The following ENTPD1 variants were observed in gnomAD, a reference collection of about 807,000 sequenced individuals.
ENTPD1 encodes ATP diphosphohydrolase.
A neutral mutation model predicts 57.0 loss-of-function variants in ENTPD1; 33 were observed. The ratio of observed to expected loss-of-function variants is 0.58; its 90% CI spans 0.44 to 0.77. The LOEUF is 0.77. Among genes scored for constraint, ENTPD1 ranks in the 30% least tolerant of loss-of-function variants. The pLI, the probability that ENTPD1 is intolerant of heterozygous loss-of-function variation, is 0.00. For synonymous variants in ENTPD1, 202 were observed against 218.8 expected (o/e 0.92, Z 0.68); for missense variants, 501 against 603.4 (o/e 0.83, Z 1.78).
chr10:95,779,878 A>G (rs570095088), intron 1 of ENTPD1, among the ~76,000 whole-genome samples: 29 of 152,288 alleles, frequency 1.9e-4, no homozygotes, highest in African/African-American at 6.3e-4. Context: ...CACTTGGTAT[A>G]TATTATTTCA....
intron 1 of ENTPD1, among the ~76,000 whole-genome samples, chr10:95,733,400 C>G (rs186404813): frequency 3.3e-5 from 5 of 152,150 alleles, no homozygotes; most frequent in Admixed American, 2.0e-4. Context: ...GCAGTTAACG[C>G]AATCATGACA....
At chr10:95,717,990 A>G (rs991673829) in intron 1 of ENTPD1, among the ~76,000 whole-genome samples, 7 of 152,168 alleles carry the variant, frequency 4.6e-5, no homozygotes, top group Non-Finnish European at 8.8e-5. Context: ...ATTGAAATGT[A>G]TGGCCTGAAG....
intron 1 of ENTPD1, among the ~76,000 whole-genome samples, chr10:95,720,330 A>G (rs2097976086): frequency 6.6e-6 from 1 of 152,124 alleles, no homozygotes; most frequent in Admixed American, 6.5e-5. Context: ...TCCTGTGTTC[A>G]GGTGTATAAT....
intron 2 of ENTPD1, among the ~76,000 whole-genome samples, chr10:95,836,261 T>C (rs2140745473): frequency 6.6e-6 from 1 of 152,326 alleles, no homozygotes; most frequent in East Asian, 1.9e-4. Context: ...GTGATGCCTC[T>C]GGCTTTATCC....
chr10:95,741,476 T>C (rs1434903458), intron 1 of ENTPD1, among the ~76,000 whole-genome samples: 3 of 152,182 alleles, frequency 2.0e-5, no homozygotes, highest in Non-Finnish European at 2.9e-5. Flanking sequence ...ATTGCAAGGA[T>C]TACCAAGATG....
chr10:95,833,014 T>G (rs954426425), intron 2 of ENTPD1, among the ~76,000 whole-genome samples: 2 of 152,232 alleles, frequency 1.3e-5, no homozygotes, highest in African/African-American at 4.8e-5. Flanking sequence ...CCTTTCCTCA[T>G]GCATCTGCTT....
chr10:95,798,969 T>C lies in ENTPD1; in HGVS notation c.17-24268T>C, dbSNP rs187536999. ...AGAAGCACACAGATTTTGCTGAATATGTGGCTTCAGTGGTCTTCACGTTGC... is the reference window on the plus strand; with the variant it reads ...AGAAGCACACAGATTTTGCTGAATACGTGGCTTCAGTGGTCTTCACGTTGC... On this transcript the variant is annotated intron_variant, in intron 1 of 9. Transcript: ENST00000371205. Among the ~76,000 whole-genome samples the C allele has an allele frequency of 2.6e-5, 4 of 152,334 alleles. No homozygotes were observed. The East Asian group carries it at 7.7e-4, about 29-fold the overall frequency.
Position 95,756,196 on chromosome 10 carries a change from G to GC in ENTPD1, c.-44_-43insC, listed in dbSNP as rs766694309. On this transcript the variant is annotated 5_prime_UTR_variant, in exon 1 of 10. Coordinates refer to ENST00000371205, the MANE Select transcript of ENTPD1 (RefSeq NM_001776.6). ...GGACCACAGCAAGCAGAGGCTGGGG[G>GC]GGGGAAAGACGAGGAAAGAGGAGGA... 15 of 1,580,942 alleles carry GC rather than the reference G, an allele frequency of 9.5e-6. No individual in the cohort carries two copies. The highest frequency in any genetic ancestry group is 4.6e-5 in the South Asian group (4 of 86,750).
chr10:95,856,124 C>G (rs1031632480), intron 7 of ENTPD1, among the ~76,000 whole-genome samples: 7 of 152,192 alleles, frequency 4.6e-5, no homozygotes, highest in African/African-American at 1.7e-4. Flanking sequence ...TTCTGGGAGG[C>G]TTTGTCCGTT....
chr10:95,724,161 C>CAAAAAAAAAAAAAA (rs35316347), intron 1 of ENTPD1, among the ~76,000 whole-genome samples: 2 of 50,348 alleles, frequency 4.0e-5, no homozygotes, highest in Non-Finnish European at 3.3e-5. Flanking sequence ...GACTCTGTCT[C>CAAAAAAAAAAAAAA]AAAAAAAAAA....
intron 1 of ENTPD1, among the ~76,000 whole-genome samples, chr10:95,809,812 T>G (rs1212624623): frequency 7.4e-6 from 1 of 135,814 alleles, no homozygotes; most frequent in Non-Finnish European, 1.6e-5. Context: ...GCAGAAGTGC[T>G]CCCCACTTCC....
At chr10:95,826,147 A>G (rs1420087821) in intron 2 of ENTPD1, among the ~76,000 whole-genome samples, 1 of 152,226 alleles carries the variant, frequency 6.6e-6, no homozygotes, top group Non-Finnish European at 1.5e-5. Flanking sequence ...AACACAAATT[A>G]TTAATTGTAA....
chr10:95,704,748 C>A, the ENTPD1 span, among the ~76,000 whole-genome samples: 1 of 151,950 alleles, frequency 6.6e-6, no homozygotes, highest in Admixed American at 6.6e-5. Flanking sequence ...ACAAAAATCA[C>A]TGATAATAAA....
At position 95,866,671 on chromosome 10, in the gene ENTPD1, C is replaced by A. The variant is rs1328304387; in HGVS notation, c.*288C>A. On this transcript the variant is annotated 3_prime_UTR_variant, in exon 10 of 10. Transcript: ENST00000371205. ...TTAAAGACCTGACACCTTTCATAAT[C>A]TTTGCTTTATAAAAGAACAATATTG... 6.4e-6 allele frequency: 8 copies of A among 1,251,030 alleles called. No homozygotes were observed. In the South Asian group the frequency reaches 8.0e-5, roughly 13 times the overall value. 77.5% of individuals were successfully genotyped at this position (1,251,030 alleles called of 1,614,324 possible).
intron 2 of ENTPD1, among the ~76,000 whole-genome samples, chr10:95,830,792 G>C (rs978511741): frequency 6.6e-6 from 1 of 152,106 alleles, no homozygotes; most frequent in African/African-American, 2.4e-5. Context: ...AACAGAGCGA[G>C]ACTCTGTCTC....
At chr10:95,789,622 AG>A (rs1396200287) in intron 1 of ENTPD1, among the ~76,000 whole-genome samples, 3 of 152,180 alleles carry the variant, frequency 2.0e-5, no homozygotes, top group Non-Finnish European at 4.4e-5. Context: ...ATTAGGTAAA[AG>A]GTATGTCATG....
chr10:95,725,657 T>TA lies in ENTPD1; in HGVS notation c.37+13671dup, dbSNP rs1019188316. Among the ~76,000 whole-genome samples, 126 of 152,260 alleles carry TA rather than the reference T, an allele frequency of 8.3e-4. 1 individual carries two copies. The highest frequency in any genetic ancestry group is 3.4e-3 in the Middle Eastern group (1 of 294). On this transcript the variant is annotated intron_variant, in intron 1 of 9. Transcript: ENST00000453258. ...GCCTACACTTTAGGAGAGGTTGTGT[T>TA]AAAAAAACTGAGTCCACAGGGATTC...
At position 95,855,844 on chromosome 10, in the gene ENTPD1, A is replaced by G. The variant is rs182858901; in HGVS notation, c.1075-4625A>G. Among the ~76,000 whole-genome samples, 23 of 152,234 alleles carry G rather than the reference A, an allele frequency of 1.5e-4. No individual in the cohort carries two copies. The East Asian group carries it at 4.0e-3, about 27-fold the overall frequency. On this transcript the variant is annotated intron_variant, in intron 7 of 9. Transcript: ENST00000371205. ...TGGGCTTCCCTTTGTGGGTAACCCG[A>G]CCTTTCTCTCTGGCTGCCCTTAACA...
chr10:95,845,212 TG>T, intron 5 of ENTPD1, 144 bp from the exon 6 acceptor site: 1 of 1,043,514 alleles, frequency 9.6e-7, no homozygotes, highest in Non-Finnish European at 1.4e-6. Context: ...GCTGATAATC[TG>T]TTGTAGATCA....
Sources: gnomAD v4.1 joint callset for allele counts (sites outside exome capture counted in the v4.1 genomes callset) on GRCh38, gnomAD v4.1.1 for gene constraint, MANE v1.5 for transcripts, NCBI Gene and HGNC (gene_info 2026-07-23, HGNC 2026-07-21) for gene names.